Variants in CLYBL observed in about 807,000 individuals in gnomAD.
CLYBL encodes the protein citramalyl-CoA lyase, also known as citramalyl-CoA lyase, mitochondrial.
Under a neutral mutation model 38.9 loss-of-function variants are expected in CLYBL, and 31 were observed. That is an observed-to-expected ratio of 0.80 (90% CI 0.60 to 1.08). The LOEUF (loss-of-function observed/expected upper bound fraction) is 1.08, where lower values mean the gene tolerates loss of function less well. CLYBL is among the 50% of genes least tolerant of loss of function. CLYBL has a pLI of 0.00. For missense variants in CLYBL, 434 were observed against 411.6 expected (o/e 1.05, Z -0.47); for synonymous variants, 171 against 158.6 (o/e 1.08, Z -0.59).
intron 1 of CLYBL, among the ~76,000 whole-genome samples, chr13:99,685,317 A>T (rs565786879): frequency 1.3e-5 from 2 of 152,330 alleles, no homozygotes; most frequent in Admixed American, 6.5e-5. Context: ...TGTATTCCAG[A>T]AGTGAAGGGT....
chr13:99,749,858 T>C (rs1237456406), intron 1 of CLYBL, among the ~76,000 whole-genome samples: 1 of 151,950 alleles, frequency 6.6e-6, no homozygotes, highest in Non-Finnish European at 1.5e-5. Context: ...CAAAAAAAAA[T>C]AGTTCTTCAA....
At chr13:99,705,131 G>A (rs2048126739) in intron 1 of CLYBL, among the ~76,000 whole-genome samples, 1 of 152,160 alleles carries the variant, frequency 6.6e-6, no homozygotes, top group Non-Finnish European at 1.5e-5. Flanking sequence ...GTGTTCCTGG[G>A]TACATGGGTA....
intron 1 of CLYBL, among the ~76,000 whole-genome samples, chr13:99,699,359 T>C (rs1027419459): frequency 6.6e-6 from 1 of 151,720 alleles, no homozygotes; most frequent in African/African-American, 2.4e-5. Flanking sequence ...CACTCCAGCC[T>C]GGGCAATAAG....
intron 1 of CLYBL, among the ~76,000 whole-genome samples, chr13:99,728,510 C>A (rs959705853): frequency 2.9e-4 from 44 of 151,810 alleles, no homozygotes; most frequent in African/African-American, 1.1e-3. Context: ...GATCTCCTGA[C>A]CTCATGATCC....
At chr13:99,734,955 A>G (rs1401735655) in intron 1 of CLYBL, among the ~76,000 whole-genome samples, 1 of 152,182 alleles carries the variant, frequency 6.6e-6, no homozygotes, top group Non-Finnish European at 1.5e-5. Context: ...CAGTAAAAAA[A>G]TTTGTGGAAA....
chr13:99,672,753 G>C (rs2047585721), intron 1 of CLYBL, among the ~76,000 whole-genome samples: 1 of 152,122 alleles, frequency 6.6e-6, no homozygotes, highest in Admixed American at 6.5e-5. Flanking sequence ...CTGGGCAACA[G>C]AGCAAGACCC....
At position 99,870,923 on chromosome 13, in the gene CLYBL, T is replaced by C. The variant is rs780587502; in HGVS notation, c.803-15T>C. 2.5e-6 allele frequency: 4 copies of C among 1,588,130 alleles called. No homozygotes were observed. Among genetic ancestry groups the C allele is most frequent in the Admixed American group, 3.7e-5 (2 of 54,224 alleles). ...TCGTTGTTTCGTGGTTCCGATGTTA[T>C]TAATATTCTTGTAGGTAAGCAGGTG... is the stretch of plus-strand genomic sequence containing the variant. On this transcript the variant is annotated splice_polypyrimidine_tract_variant and intron_variant, in intron 6 of 8. Coordinates refer to ENST00000339105, the MANE Select transcript of CLYBL (RefSeq NM_206808.5).
Position 99,866,293 on chromosome 13 carries a change from G to A in CLYBL, c.688G>A (p.Val230Ile), listed in dbSNP as rs2051741637. The change falls in exon 6 of 9, where the codon GTT becomes ATT. Residue 230 changes from valine to isoleucine, a missense_variant. Val to Ile is a conservative substitution (Grantham distance 29, BLOSUM62 3). Coordinates refer to ENST00000339105, the MANE Select transcript of CLYBL (RefSeq NM_206808.5). ...LDILYARQKI[V>I]VIAKAFGLQA... is the part of the protein sequence containing the mutation. ...TATTCTCTACGCCCGGCAAAAGATT[G>A]TTGTCATAGCGAAAGCCTTTGGTCT... is the stretch of plus-strand genomic sequence containing the variant. 2 of 1,613,950 alleles carry A rather than the reference G, an allele frequency of 1.2e-6. No individual in the cohort carries two copies. Among genetic ancestry groups the A allele is most frequent in the Non-Finnish European group, 1.7e-6 (2 of 1,180,012 alleles).
chr13:99,907,371 A>T (rs1313733999), intron 9 of CLYBL, among the ~76,000 whole-genome samples: 1 of 152,216 alleles, frequency 6.6e-6, no homozygotes, highest in Non-Finnish European at 1.5e-5. Context: ...GGCACACTGT[A>T]GGCACTGGAC....
Position 99,637,962 on chromosome 13 carries a change from CT to C in CLYBL, c.62+31224del, listed in dbSNP as rs34513643. On this transcript the variant is annotated intron_variant, in intron 1 of 8. Coordinates refer to ENST00000339105, the MANE Select transcript of CLYBL (RefSeq NM_206808.5). Reference sequence around the variant, plus strand: ...ATCTAGTTATCCAAGTCAACAGTGCCTTTTTTTTTTTTTTTTTTTGAGACAA... The same window carrying C: ...ATCTAGTTATCCAAGTCAACAGTGCCTTTTTTTTTTTTTTTTTTGAGACAA... Among the ~76,000 whole-genome samples, 580 of 94,992 alleles carry C rather than the reference CT, an allele frequency of 6.1e-3. 6 individuals carry two copies. The highest frequency in any genetic ancestry group is 0.019 in the African/African-American group (493 of 25,564). The allele number at this position is 94,992 out of a possible 152,430, so 62.3% of individuals were successfully genotyped here.
At chr13:99,767,477 T>C (rs1479607695) in intron 1 of CLYBL, among the ~76,000 whole-genome samples, 1 of 152,252 alleles carries the variant, frequency 6.6e-6, no homozygotes. Flanking sequence ...CTTGGATGTT[T>C]GTATTCAAGT....
At chr13:99,770,080 C>CTTTTTTTTTTTTTTTTTTTTTTTTTT (rs3033589) in intron 1 of CLYBL, among the ~76,000 whole-genome samples, 1 of 103,182 alleles carries the variant, frequency 9.7e-6, no homozygotes. Flanking sequence ...TCTTTTCTTT[C>CTTTTTTTTTTTTTTTTTTTTTTTTTT]TTTTTTTTTT....
chr13:99,616,502 T>TA (rs1466162903), intron 1 of CLYBL, among the ~76,000 whole-genome samples: 2 of 152,326 alleles, frequency 1.3e-5, no homozygotes, highest in Non-Finnish European at 2.9e-5. Flanking sequence ...TTTCCAGACC[T>TA]AAAAAGGCCT....
intron 2 of CLYBL, among the ~76,000 whole-genome samples, chr13:99,783,702 C>A (rs948756178): frequency 6.6e-6 from 1 of 152,124 alleles, no homozygotes. Flanking sequence ...GCCTCGGCCT[C>A]CCAAAGTGCT....
At chr13:99,763,211 T>C (rs7993694) in intron 1 of CLYBL, among the ~76,000 whole-genome samples, 33,634 of 152,104 alleles carry the variant, frequency 0.22, 3,890 homozygotes, top group East Asian at 0.3. Context: ...TTATATTAAA[T>C]ACAAGTGGCA....
chr13:99,805,051 A>G (rs1449174150), intron 2 of CLYBL, among the ~76,000 whole-genome samples: 2 of 152,210 alleles, frequency 1.3e-5, no homozygotes, highest in South Asian at 2.1e-4. Flanking sequence ...CACTCCGCCT[A>G]TTGTCTTCAA....
At chr13:99,791,371 C>A (rs1021749453) in intron 2 of CLYBL, among the ~76,000 whole-genome samples, 9 of 147,686 alleles carry the variant, frequency 6.1e-5, no homozygotes, top group African/African-American at 2.0e-4. Context: ...AAAAAAAAAA[C>A]AAACAAAAAA....
chr13:99,784,327 G>C (rs1223754430), intron 2 of CLYBL, among the ~76,000 whole-genome samples: 1 of 152,002 alleles, frequency 6.6e-6, no homozygotes, highest in East Asian at 1.9e-4. Context: ...TGGTCTCAAG[G>C]CTTAGTATTC....
intron 1 of CLYBL, among the ~76,000 whole-genome samples, chr13:99,683,903 C>G (rs1201990492): frequency 6.7e-6 from 1 of 149,486 alleles, no homozygotes; most frequent in Admixed American, 6.7e-5. Context: ...GAGTCTCACT[C>G]TGTCACCCAG....
Sources: allele counts gnomAD v4.1 joint callset (sites outside exome capture counted in the v4.1 genomes callset), GRCh38; gene constraint gnomAD v4.1.1; transcripts MANE v1.5; gene names NCBI Gene and HGNC (gene_info 2026-07-23, HGNC 2026-07-21).